Variants in DLG2 observed in about 807,000 individuals in gnomAD.
The protein encoded by DLG2 is disks large homolog 2.
In DLG2, 45 loss-of-function variants were observed where a neutral mutation model predicts 132.5. The ratio of observed to expected loss-of-function variants is 0.34; its 90% CI spans 0.27 to 0.44. The LOEUF is 0.44. Ranked by LOEUF, DLG2 falls within the 20% of genes least tolerant of loss-of-function variation. The pLI is 1.00. For synonymous variants in DLG2, 424 were observed against 419.6 expected, an observed-to-expected ratio of 1.01 and a Z score of -0.13; for missense variants, 1,045 against 1,196.9, an observed-to-expected ratio of 0.87 and a Z score of 1.87.
chr11:85,031,780 A>G (rs915681274), intron 6 of DLG2, among the ~76,000 whole-genome samples: 3 of 151,898 alleles, frequency 2.0e-5, no homozygotes, highest in African/African-American at 7.3e-5. Flanking sequence ...CCTTGTAGTC[A>G]TAAATATTTA....
chr11:85,606,314 G>A (rs566114114), intron 2 of DLG2, among the ~76,000 whole-genome samples: 102 of 152,256 alleles, frequency 6.7e-4, no homozygotes, highest in African/African-American at 2.4e-3. Context: ...TGGCTTCTGG[G>A]TCAGGTGGGG....
At chr11:84,276,616 C>T (rs770505049) in intron 7 of DLG2, among the ~76,000 whole-genome samples, 1 of 152,134 alleles carries the variant, frequency 6.6e-6, no homozygotes. Context: ...CCTGTTAGCA[C>T]GATGCTTGAT....
At chr11:85,543,662 T>G (rs895434767) in intron 3 of DLG2, among the ~76,000 whole-genome samples, 9 of 152,228 alleles carry the variant, frequency 5.9e-5, no homozygotes, top group African/African-American at 2.2e-4. Context: ...TTTCCTGACT[T>G]TTTAATGATC....
chr11:85,110,853 G>A (rs1385872741), intron 6 of DLG2, among the ~76,000 whole-genome samples: 1 of 152,102 alleles, frequency 6.6e-6, no homozygotes, highest in Non-Finnish European at 1.5e-5. Flanking sequence ...CAAATGAGGA[G>A]AATTTCCAAA....
intron 6 of DLG2, among the ~76,000 whole-genome samples, chr11:84,685,930 G>T (rs1473532424): frequency 6.6e-6 from 1 of 152,088 alleles, no homozygotes; most frequent in Non-Finnish European, 1.5e-5. Context: ...CTCGTGATCC[G>T]CCTGCCTCGG....
At chr11:84,094,077 C>T (rs539507202) in intron 10 of DLG2, among the ~76,000 whole-genome samples, 18 of 151,874 alleles carry the variant, frequency 1.2e-4, no homozygotes, top group South Asian at 4.2e-4. Context: ...GTCTTTTAAG[C>T]GTCGTTGTTG....
chr11:84,999,149 A>C (rs1310571149), intron 6 of DLG2, among the ~76,000 whole-genome samples: 1 of 152,036 alleles, frequency 6.6e-6, no homozygotes, highest in African/African-American at 2.4e-5. Context: ...TCTTGGATGA[A>C]TCAATTATAG....
intron 8 of DLG2, among the ~76,000 whole-genome samples, chr11:84,171,787 C>A (rs1040497624): frequency 6.6e-6 from 1 of 152,078 alleles, no homozygotes; most frequent in African/African-American, 2.4e-5. Flanking sequence ...ATATGAAAAT[C>A]AGTTGAGTGC....
intron 14 of DLG2, among the ~76,000 whole-genome samples, chr11:83,945,263 G>A (rs1014482428): frequency 6.6e-6 from 1 of 152,182 alleles, no homozygotes; most frequent in Admixed American, 6.5e-5. Context: ...GCAACAGAGG[G>A]AGACTGTCTC....
At chr11:83,506,915 A>G (rs1207200388) in intron 21 of DLG2, among the ~76,000 whole-genome samples, 2 of 152,050 alleles carry the variant, frequency 1.3e-5, no homozygotes, top group African/African-American at 4.8e-5. Context: ...TTTTTCCACA[A>G]TTTCATCTTT....
chr11:84,951,678 A>G (rs969844461), intron 6 of DLG2, among the ~76,000 whole-genome samples: 1 of 150,166 alleles, frequency 6.7e-6, no homozygotes, highest in African/African-American at 2.4e-5. Flanking sequence ...ATACACACAC[A>G]TATATATGCA....
chr11:84,927,177 T>A (rs2047487265), intron 6 of DLG2, among the ~76,000 whole-genome samples: 1 of 152,028 alleles, frequency 6.6e-6, no homozygotes, highest in Admixed American at 6.6e-5. Flanking sequence ...AACTACAATT[T>A]GTTACAAATA....
intron 3 of DLG2, among the ~76,000 whole-genome samples, chr11:85,316,195 C>G (rs2080662251): frequency 6.6e-6 from 1 of 151,894 alleles, no homozygotes; most frequent in African/African-American, 2.4e-5. Flanking sequence ...TACTATTTAA[C>G]AGATCACTGT....
At chr11:84,619,759 TG>T (rs1332173867) in intron 6 of DLG2, among the ~76,000 whole-genome samples, 1 of 151,624 alleles carries the variant, frequency 6.6e-6, no homozygotes, top group African/African-American at 2.4e-5. Context: ...TTTTTTTAAA[TG>T]TAAAATATTT....
intron 6 of DLG2, among the ~76,000 whole-genome samples, chr11:84,635,877 T>C (rs1044839569): frequency 4.6e-5 from 7 of 152,148 alleles, no homozygotes; most frequent in African/African-American, 1.7e-4. Context: ...TACTGCCAAA[T>C]TCTTCTTCAT....
intron 6 of DLG2, among the ~76,000 whole-genome samples, chr11:84,809,821 A>T (rs989808643): frequency 6.6e-6 from 1 of 152,046 alleles, no homozygotes; most frequent in East Asian, 1.9e-4. Flanking sequence ...GAAGTGAGAG[A>T]AATCATTCCA....
chr11:85,455,718 G>A lies in DLG2; in HGVS notation c.40+142939C>T, dbSNP rs74372142. ...GCTCCTTCAGTGCCTAGTTTCTTGAGGGTTTTTACATAAAGGGATGTTAAA... is the reference window on the plus strand; with the variant it reads ...GCTCCTTCAGTGCCTAGTTTCTTGAAGGTTTTTACATAAAGGGATGTTAAA... On this transcript the variant is annotated intron_variant, in intron 3 of 27. Transcript: ENST00000376104. Among the ~76,000 whole-genome samples, 658 of 152,164 alleles carry A rather than the reference G, an allele frequency of 4.3e-3. 2 individuals carry two copies. Among genetic ancestry groups the A allele is most frequent in the Non-Finnish European group, 6.0e-3 (406 of 67,994 alleles).
At chr11:84,357,657 C>A (rs2098624599) in intron 7 of DLG2, among the ~76,000 whole-genome samples, 1 of 151,984 alleles carries the variant, frequency 6.6e-6, no homozygotes, top group Non-Finnish European at 1.5e-5. Context: ...ATGGTAATAA[C>A]ATGAGTAAAT....
chr11:84,071,762 C>T (rs2096760628), intron 10 of DLG2, among the ~76,000 whole-genome samples: 1 of 152,100 alleles, frequency 6.6e-6, no homozygotes, highest in Admixed American at 6.5e-5. Context: ...TTTAAAAAAT[C>T]CAAGCAAAGA....
Sources: allele counts gnomAD v4.1 joint callset (sites outside exome capture counted in the v4.1 genomes callset), GRCh38; gene constraint gnomAD v4.1.1; transcripts MANE v1.5; gene names NCBI Gene and HGNC (gene_info 2026-07-23, HGNC 2026-07-21).